The following ASIC2 variants were observed in gnomAD, a reference collection of about 807,000 sequenced individuals.
ASIC2 encodes acid sensing ion channel subunit 2, also known as acid-sensing ion channel 2.
A neutral mutation model predicts 57.3 loss-of-function variants in ASIC2; 25 were observed. The observed-to-expected ratio is 0.44, with a 90% CI of 0.32 to 0.61. ASIC2 has a LOEUF of 0.61. ASIC2 is among the 20% of genes least tolerant of loss of function. The pLI is 0.06. For missense variants in ASIC2, 641 were observed against 738.1 expected, an observed-to-expected ratio of 0.87 and a Z score of 1.52; for synonymous variants, 319 against 307.5, an observed-to-expected ratio of 1.04 and a Z score of -0.39.
At chr17:33,787,010 T>C (rs945108606) in intron 1 of ASIC2, among the ~76,000 whole-genome samples, 1 of 152,208 alleles carries the variant, frequency 6.6e-6, no homozygotes, top group Non-Finnish European at 1.5e-5. Flanking sequence ...GCTTCTTGGA[T>C]GGATGAGACT....
At chr17:33,289,484 C>G (rs907587356) in intron 1 of ASIC2, among the ~76,000 whole-genome samples, 1 of 152,100 alleles carries the variant, frequency 6.6e-6, no homozygotes, top group Non-Finnish European at 1.5e-5. Flanking sequence ...CTAGGAGGGA[C>G]AGGATTCCTA....
intron 1 of ASIC2, among the ~76,000 whole-genome samples, chr17:33,809,208 C>T (rs1912351368): frequency 6.6e-6 from 1 of 152,200 alleles, no homozygotes; most frequent in Non-Finnish European, 1.5e-5. Context: ...CATTGATCTG[C>T]CTCTAGGCCC....
At chr17:33,434,064 A>T (rs1349714293) in intron 1 of ASIC2, among the ~76,000 whole-genome samples, 2 of 151,608 alleles carry the variant, frequency 1.3e-5, no homozygotes, top group Non-Finnish European at 2.9e-5. Context: ...AAGGCTTGTC[A>T]GTATCCAAGA....
intron 1 of ASIC2, among the ~76,000 whole-genome samples, chr17:33,256,410 AAGAG>A (rs1449146491): frequency 1.3e-5 from 2 of 152,272 alleles, no homozygotes; most frequent in Admixed American, 1.3e-4. Flanking sequence ...TACTTTTAGG[AAGAG>A]TGCTGGGGTC....
chr17:33,797,444 C>T lies in ASIC2; in HGVS notation c.555+358534G>A, dbSNP rs1049514086. Among the ~76,000 whole-genome samples the T allele has an allele frequency of 5.3e-5, 8 of 152,104 alleles. No individual in the cohort carries two copies. The South Asian group carries it at 6.2e-4, about 12-fold the overall frequency. ...GAATGGCTGGGGGAAATAGGTTAGG[C>T]GGTATTATTGCATCCTGCTACCTTG... On this transcript the variant is annotated intron_variant, in intron 1 of 9. Coordinates refer to the ASIC2 transcript ENST00000359872.
intron 1 of ASIC2, among the ~76,000 whole-genome samples, chr17:33,967,006 A>T (rs1289923406): frequency 6.6e-6 from 1 of 151,272 alleles, no homozygotes; most frequent in Non-Finnish European, 1.5e-5. Flanking sequence ...TCCCAGTGAC[A>T]CCTCACACTC....
At chr17:33,958,086 C>T (rs182428640) in intron 1 of ASIC2, among the ~76,000 whole-genome samples, 6 of 152,352 alleles carry the variant, frequency 3.9e-5, no homozygotes, top group South Asian at 4.1e-4. Context: ...CCATGTCTCA[C>T]ATCCAGGTTA....
intron 3 of ASIC2, among the ~76,000 whole-genome samples, chr17:33,040,671 G>A (rs981581324): frequency 1.1e-4 from 16 of 152,244 alleles, no homozygotes; most frequent in Admixed American, 6.5e-5. Context: ...CCCTGGCTTA[G>A]AGCCAGCAGA....
intron 1 of ASIC2, among the ~76,000 whole-genome samples, chr17:34,147,800 C>G (rs1904351467): frequency 6.6e-6 from 1 of 152,148 alleles, no homozygotes; most frequent in Non-Finnish European, 1.5e-5. Flanking sequence ...AGCAAATTTT[C>G]AGGTCTCTCT....
At chr17:33,956,393 G>A (rs533145598) in intron 1 of ASIC2, among the ~76,000 whole-genome samples, 10 of 152,258 alleles carry the variant, frequency 6.6e-5, no homozygotes, top group African/African-American at 2.4e-4. Context: ...CTCAACCAAA[G>A]GGAGTCGGGT....
At chr17:34,090,691 G>C (rs998972083) in intron 1 of ASIC2, among the ~76,000 whole-genome samples, 1 of 152,110 alleles carries the variant, frequency 6.6e-6, no homozygotes, top group Non-Finnish European at 1.5e-5. Context: ...CTAAACTCTG[G>C]CAACTTCCTA....
chr17:33,509,665 G>A (rs1393148618), intron 1 of ASIC2, among the ~76,000 whole-genome samples: 1 of 152,252 alleles, frequency 6.6e-6, no homozygotes, highest in African/African-American at 2.4e-5. Context: ...CCCGCAGAGA[G>A]AAGACTTAAG....
chr17:33,563,013 C>G (rs1916123678), intron 1 of ASIC2, among the ~76,000 whole-genome samples: 1 of 152,162 alleles, frequency 6.6e-6, no homozygotes. Context: ...GGCTAGTGGG[C>G]TCTAGGAGGA....
At chr17:34,087,670 G>C (rs1468178830) in intron 1 of ASIC2, among the ~76,000 whole-genome samples, 1 of 151,918 alleles carries the variant, frequency 6.6e-6, no homozygotes, top group African/African-American at 2.4e-5. Context: ...GTCACTTTCA[G>C]GTACACCAAT....
intron 1 of ASIC2, among the ~76,000 whole-genome samples, chr17:33,170,959 C>T (rs1905496222): frequency 6.6e-6 from 1 of 152,212 alleles, no homozygotes; most frequent in African/African-American, 2.4e-5. Flanking sequence ...GATCTGCCCT[C>T]TTCCCCTCTA....
At chr17:33,556,239 T>C (rs1209680984) in intron 1 of ASIC2, among the ~76,000 whole-genome samples, 2 of 152,084 alleles carry the variant, frequency 1.3e-5, no homozygotes, top group African/African-American at 4.8e-5. Context: ...AGAGGAGACA[T>C]GGGGAGAAGA....
At chr17:33,266,080 C>T (rs1909447424) in intron 1 of ASIC2, among the ~76,000 whole-genome samples, 1 of 152,096 alleles carries the variant, frequency 6.6e-6, no homozygotes, top group African/African-American at 2.4e-5. Flanking sequence ...GAGTGTTCTC[C>T]CGGGAAACTT....
chr17:33,277,297 C>T (rs925243406), intron 1 of ASIC2, among the ~76,000 whole-genome samples: 1 of 152,162 alleles, frequency 6.6e-6, no homozygotes, highest in African/African-American at 2.4e-5. Flanking sequence ...TATTTAAACT[C>T]CCAGTGGCAA....
chr17:33,935,141 C>T (rs1270989732), intron 1 of ASIC2, among the ~76,000 whole-genome samples: 1 of 152,244 alleles, frequency 6.6e-6, no homozygotes, highest in Non-Finnish European at 1.5e-5. Flanking sequence ...CACTCGTTCC[C>T]ACCTCTGTGC....
Sources: allele counts gnomAD v4.1 joint callset (sites outside exome capture counted in the v4.1 genomes callset), GRCh38; gene constraint gnomAD v4.1.1; transcripts MANE v1.5; gene names NCBI Gene and HGNC (gene_info 2026-07-23, HGNC 2026-07-21).